Variants in ERBB4 observed in about 807,000 individuals in gnomAD.
ERBB4 encodes the protein erb-b2 receptor tyrosine kinase 4.
A neutral mutation model predicts 158.0 loss-of-function variants in ERBB4; 42 were observed. The ratio of observed to expected loss-of-function variants is 0.27; its 90% CI spans 0.21 to 0.34. ERBB4 has a LOEUF of 0.34. Ranked by LOEUF, ERBB4 falls within the 10% of genes least tolerant of loss-of-function variation. ERBB4 has a pLI of 1.00. For synonymous variants in ERBB4, 583 were observed against 558.7 expected (o/e 1.04, Z -0.61); for missense variants, 1,333 against 1,624.1 (o/e 0.82, Z 3.08).
At chr2:212,493,877 G>A (rs1483410074) in intron 1 of ERBB4, among the ~76,000 whole-genome samples, 1 of 151,658 alleles carries the variant, frequency 6.6e-6, no homozygotes, top group African/African-American at 2.4e-5. Context: ...TTTTACAGTA[G>A]AAATTAGTAG....
At chr2:212,128,649 T>C (rs185489868) in intron 1 of ERBB4, among the ~76,000 whole-genome samples, 4 of 152,350 alleles carry the variant, frequency 2.6e-5, no homozygotes, top group Admixed American at 1.3e-4. Flanking sequence ...GATTAAATTC[T>C]AGTTGTGTTA....
rs1461043876 is a variant in ERBB4 at position 212,192,069 on chromosome 2, ATGT to A, written c.83-67169_83-67167del. Among the ~76,000 whole-genome samples the A allele has an allele frequency of 3.9e-5, 4 of 103,402 alleles. No homozygotes were observed. In the East Asian group the frequency reaches 1.1e-3, roughly 29 times the overall value. 67.8% of individuals were successfully genotyped at this position (103,402 alleles called of 152,430 possible). On this transcript the variant is annotated intron_variant, in intron 1 of 27. Transcript: ENST00000342788. ...ATATGTTATATGTTATATATGTTAT[ATGT>A]TATATATATTATATATATTATATAA...
intron 20 of ERBB4, among the ~76,000 whole-genome samples, chr2:211,459,115 T>G (rs2064462051): frequency 6.6e-6 from 1 of 152,198 alleles, no homozygotes; most frequent in African/African-American, 2.4e-5. Context: ...TTTCTGTGTT[T>G]GAAGTTTCAC....
At chr2:211,431,139 G>T (rs773736711) in intron 20 of ERBB4, 39 bp from the exon 21 acceptor site, 4 of 1,594,778 alleles carry the variant, frequency 2.5e-6, no homozygotes, top group Middle Eastern at 1.8e-4. Flanking sequence ...TTCAGTTAAT[G>T]CCCAGGTTTT....
At chr2:211,919,112 C>T (rs774917129) in intron 3 of ERBB4, among the ~76,000 whole-genome samples, 3 of 152,130 alleles carry the variant, frequency 2.0e-5, no homozygotes, top group Non-Finnish European at 1.5e-5. Context: ...CATGAATAAA[C>T]AAGTAAAAAT....
At chr2:212,436,079 A>C (rs1468306069) in intron 1 of ERBB4, among the ~76,000 whole-genome samples, 1 of 151,898 alleles carries the variant, frequency 6.6e-6, no homozygotes, top group Non-Finnish European at 1.5e-5. Flanking sequence ...GTGCCATCAA[A>C]ATTTGTCAAT....
Position 211,750,693 on chromosome 2 carries a change from G to T in ERBB4, c.568C>A (p.His190Asn), listed in dbSNP as rs2075106283. The change falls in exon 5 of 28, where the codon CAT becomes AAT. Residue 190 changes from histidine (H) to asparagine (N), a missense_variant. Physicochemically the swap from His to Asn is moderately conservative, Grantham distance 68 (BLOSUM62 1). Coordinates refer to ENST00000342788, the MANE Select transcript of ERBB4 (RefSeq NM_005235.3). ...TNGSSGCGRC[H>N]KSCTGRCWGP... ...CAGCAACGGCCAGTACAGGACTTAT[G>T]GCAACGTCCACCTGCAGAACACGAA... The T allele has an allele frequency of 6.2e-7, 1 of 1,613,766 alleles. No individual in the cohort carries two copies. Among genetic ancestry groups the T allele is most frequent in the African/African-American group, 1.3e-5 (1 of 74,874 alleles).
intron 1 of ERBB4, among the ~76,000 whole-genome samples, chr2:212,125,872 G>A (rs1411246232): frequency 6.6e-6 from 1 of 152,176 alleles, no homozygotes; most frequent in East Asian, 1.9e-4. Context: ...TAGTGCTGCA[G>A]TGAGCATAAA....
chr2:211,959,858 G>C (rs1303436282), intron 2 of ERBB4, among the ~76,000 whole-genome samples: 1 of 152,054 alleles, frequency 6.6e-6, no homozygotes, highest in Non-Finnish European at 1.5e-5. Context: ...TACAACCACT[G>C]TGAAAGACAA....
At chr2:212,201,578 C>T (rs2082588255) in intron 1 of ERBB4, among the ~76,000 whole-genome samples, 1 of 152,090 alleles carries the variant, frequency 6.6e-6, no homozygotes, top group Non-Finnish European at 1.5e-5. Flanking sequence ...TTGATTCATT[C>T]AGAATATAGC....
At chr2:212,500,911 A>ATTC (rs1690852666) in intron 1 of ERBB4, among the ~76,000 whole-genome samples, 1 of 152,188 alleles carries the variant, frequency 6.6e-6, no homozygotes, top group South Asian at 2.1e-4. Flanking sequence ...TTGAGAAAAT[A>ATTC]TTCTAACTCT....
chr2:211,427,532 A>T (rs2063655886), intron 22 of ERBB4, among the ~76,000 whole-genome samples: 1 of 152,162 alleles, frequency 6.6e-6, no homozygotes, highest in Non-Finnish European at 1.5e-5. Context: ...AGTTCATATT[A>T]TTCACTCTGT....
chr2:212,489,886 T>C (rs956763973), intron 1 of ERBB4, among the ~76,000 whole-genome samples: 1 of 151,862 alleles, frequency 6.6e-6, no homozygotes, highest in African/African-American at 2.4e-5. Flanking sequence ...TAAAGGGCCA[T>C]GCTCCTTTTT....
At chr2:211,478,060 G>T (rs1214225836) in intron 20 of ERBB4, among the ~76,000 whole-genome samples, 1 of 152,108 alleles carries the variant, frequency 6.6e-6, no homozygotes, top group East Asian at 1.9e-4. Flanking sequence ...AGGCCAACAG[G>T]AAGCTAGATC....
chr2:211,644,581 CCA>C (rs2070718333), intron 16 of ERBB4, among the ~76,000 whole-genome samples: 1 of 151,870 alleles, frequency 6.6e-6, no homozygotes, highest in South Asian at 2.1e-4. Flanking sequence ...AGGAAAAAAC[CCA>C]CATCTACATG....
At chr2:211,759,806 AGTGTGTGTGTGTGTGTGTGT>A (rs67981670) in intron 4 of ERBB4, among the ~76,000 whole-genome samples, 37,168 of 150,002 alleles carry the variant, frequency 0.25, 4,953 homozygotes, top group Non-Finnish European at 0.31. Context: ...CATTTTCTAG[AGTGTGTGTGTGTGTGTGTGT>A]GTGTGTGTGT....
chr2:212,300,737 G>C (rs1002098096), intron 1 of ERBB4, among the ~76,000 whole-genome samples: 1 of 151,424 alleles, frequency 6.6e-6, no homozygotes, highest in African/African-American at 2.4e-5. Flanking sequence ...TCGATTTTTA[G>C]ATGAACCATT....
At chr2:211,763,897 T>TACACAC (rs58206154) in intron 4 of ERBB4, among the ~76,000 whole-genome samples, 70 of 150,076 alleles carry the variant, frequency 4.7e-4, no homozygotes, top group Middle Eastern at 3.5e-3. Flanking sequence ...TGCGTGTGTA[T>TACACAC]ACACACACAC....
chr2:211,906,616 T>C (rs2079400116), intron 3 of ERBB4, among the ~76,000 whole-genome samples: 1 of 151,752 alleles, frequency 6.6e-6, no homozygotes, highest in African/African-American at 2.4e-5. Flanking sequence ...ACTCATGTCA[T>C]GGGGCTTTGT....
Sources: gnomAD v4.1 joint callset for allele counts (sites outside exome capture counted in the v4.1 genomes callset) on GRCh38, gnomAD v4.1.1 for gene constraint, MANE v1.5 for transcripts, NCBI Gene and HGNC (gene_info 2026-07-23, HGNC 2026-07-21) for gene names.